Variants in PDS5B observed in about 807,000 individuals in gnomAD.
PDS5B encodes the protein PDS5 cohesin associated factor B, also known as sister chromatid cohesion protein PDS5 homolog B.
PDS5B carries 51 observed loss-of-function variants against 184.1 expected under a neutral mutation model. That is an observed-to-expected ratio of 0.28 (90% CI 0.22 to 0.35). PDS5B has a LOEUF of 0.35. Among genes scored for constraint, PDS5B ranks in the 10% least tolerant of loss-of-function variants. The probability of loss-of-function intolerance (pLI) is 1.00; values close to 1 mark genes in which losing one functional copy is unlikely to be tolerated. For missense variants in PDS5B, 1,180 were observed against 1,723.3 expected, an observed-to-expected ratio of 0.68 and a Z score of 5.58; for synonymous variants, 566 against 569.2, an observed-to-expected ratio of 0.99 and a Z score of 0.08.
At chr13:32,693,706 A>T (rs7981925) in intron 13 of PDS5B, among the ~76,000 whole-genome samples, 1 of 149,688 alleles carries the variant, frequency 6.7e-6, no homozygotes, top group Non-Finnish European at 1.5e-5. Flanking sequence ...TTATAATACA[A>T]TATTGTTGCT....
intron 21 of PDS5B, among the ~76,000 whole-genome samples, chr13:32,739,132 A>G (rs1209781409): frequency 6.6e-6 from 1 of 151,792 alleles, no homozygotes; most frequent in African/African-American, 2.4e-5. Context: ...CTTTTTTTAC[A>G]CACACAAAAA....
intron 23 of PDS5B, among the ~76,000 whole-genome samples, chr13:32,744,379 A>G (rs1168114212): frequency 6.6e-6 from 1 of 152,190 alleles, no homozygotes; most frequent in Non-Finnish European, 1.5e-5. Context: ...TGGTAGAGAC[A>G]TAACAGGTGG....
intron 7 of PDS5B, among the ~76,000 whole-genome samples, chr13:32,669,648 A>T (rs188190477): frequency 6.6e-6 from 1 of 152,174 alleles, no homozygotes; most frequent in Non-Finnish European, 1.5e-5. Context: ...TGCTTGCAGA[A>T]ATAGAATCCT....
chr13:32,740,079 C>T (rs947691270), intron 21 of PDS5B, among the ~76,000 whole-genome samples: 11 of 152,066 alleles, frequency 7.2e-5, no homozygotes, highest in African/African-American at 2.4e-4. Flanking sequence ...ATTCTTTCAA[C>T]ATGGATTGTA....
chr13:32,633,428 C>T (rs2058489349), intron 1 of PDS5B, among the ~76,000 whole-genome samples: 1 of 152,058 alleles, frequency 6.6e-6, no homozygotes, highest in South Asian at 2.1e-4. Context: ...AAAACAAAAA[C>T]AAAACCAGCT....
intron 34 of PDS5B, among the ~76,000 whole-genome samples, chr13:32,774,746 G>A (rs962508863): frequency 6.6e-6 from 1 of 152,104 alleles, no homozygotes; most frequent in African/African-American, 2.4e-5. Flanking sequence ...ATTGACTTCT[G>A]TTCATTTCTC....
intron 1 of PDS5B, among the ~76,000 whole-genome samples, chr13:32,611,250 T>C (rs2058137128): frequency 6.6e-6 from 1 of 152,152 alleles, no homozygotes; most frequent in African/African-American, 2.4e-5. Context: ...TCATTTTCAT[T>C]CACTGATTTG....
intron 27 of PDS5B, 89 bp downstream of exon 27, chr13:32,758,308 G>T: frequency 1.8e-6 from 2 of 1,122,250 alleles, no homozygotes; most frequent in Non-Finnish European, 2.5e-6. Context: ...TTTATAGATA[G>T]CATCAAATAA....
chr13:32,587,709 C>T (rs751588608), intron 1 of PDS5B, among the ~76,000 whole-genome samples: 63 of 152,210 alleles, frequency 4.1e-4, no homozygotes, highest in Non-Finnish European at 1.5e-4. Flanking sequence ...TCTTCAACAG[C>T]CTCTCTCCCC....
Position 32,760,712 on chromosome 13 carries a change from A to G in PDS5B, c.3510A>G (p.Ile1170Met). The change falls in exon 30 of 35, where the codon ATA becomes ATG. Residue 1170 changes from isoleucine to methionine, a missense_variant. Physicochemically the swap from Ile to Met is conservative, Grantham distance 10. Coordinates refer to ENST00000315596, the MANE Select transcript of PDS5B (RefSeq NM_015032.4). ...SSSNPSSPGR[I>M]KGRLDSSEMD... Reference sequence around the variant, plus strand: ...CAAATCCAAGCTCTCCTGGAAGAATAAAGGGGAGGTAAGTGCAAAAGAAAT... The same window carrying G: ...CAAATCCAAGCTCTCCTGGAAGAATGAAGGGGAGGTAAGTGCAAAAGAAAT... 1 of 1,613,388 alleles carries G rather than the reference A, an allele frequency of 6.2e-7. No individual in the cohort carries two copies. The highest frequency in any genetic ancestry group is 2.2e-5 in the East Asian group (1 of 44,826).
At position 32,721,870 on chromosome 13, in the gene PDS5B, A is replaced by G. The variant is rs1396942810; in HGVS notation, c.2124-10231A>G. Among the ~76,000 whole-genome samples, 18 of 148,288 alleles carry G rather than the reference A, an allele frequency of 1.2e-4. No individual in the cohort carries two copies. In the South Asian group the frequency reaches 1.7e-3, roughly 14 times the overall value. ...TGGGAAGAGGCGCTCCTCACTTCCC[A>G]GACTGGGTGGCCGGGCAGAGGGGCT... On this transcript the variant is annotated intron_variant, in intron 19 of 34. Transcript: ENST00000315596.
In PDS5B at chr13:32,635,893, C is replaced by T. The variant is rs190943767; in HGVS notation, c.-19-12861C>T. 3.4e-3 allele frequency among the ~76,000 whole-genome samples: 514 copies of T among 151,514 alleles called. 5 individuals are homozygous for T. Among genetic ancestry groups the T allele is most frequent in the African/African-American group, 0.012 (496 of 41,234 alleles). On this transcript the variant is annotated intron_variant, in intron 1 of 34. Transcript: ENST00000315596. The stretch of plus-strand genomic sequence containing the variant: ...ACGCCATTCTCCTGCCTCAGCCTCC[C>T]GAGTAGCTGGGACTACAAGTGCCCG...
intron 1 of PDS5B, among the ~76,000 whole-genome samples, chr13:32,643,574 A>G (rs1950151551): frequency 6.6e-6 from 1 of 152,056 alleles, no homozygotes; most frequent in East Asian, 1.9e-4. Flanking sequence ...TGCATATATG[A>G]TGGTGGTTCC....
At chr13:32,713,943 C>T (rs540942565) in intron 19 of PDS5B, among the ~76,000 whole-genome samples, 47 of 152,184 alleles carry the variant, frequency 3.1e-4, no homozygotes, top group Admixed American at 1.8e-3. Context: ...TTTTCCTAAG[C>T]GGCGGCCGGC....
Position 32,775,911 on chromosome 13 carries a change from T to G in PDS5B, c.*859T>G, listed in dbSNP as rs1954943603. ...AAAATTCTGTAATTTGAATGAGTTT[T>G]TAATAGTCTAGAATGTTATTGTGTA... On this transcript the variant is annotated 3_prime_UTR_variant, in exon 35 of 35. Transcript: ENST00000315596. 1.4e-5 allele frequency: 4 copies of G among 283,574 alleles called. No homozygotes were observed. The highest frequency in any genetic ancestry group is 1.0e-4 in the South Asian group (3 of 30,018). 17.6% of individuals were successfully genotyped at this position (283,574 alleles called of 1,614,324 possible). A position where few individuals can be genotyped will look rare whatever the true frequency, so the allele number is the denominator to read the frequency against.
intron 23 of PDS5B, among the ~76,000 whole-genome samples, chr13:32,744,082 A>G (rs1953661323): frequency 6.6e-6 from 1 of 152,172 alleles, no homozygotes. Context: ...ATTCAGGCAG[A>G]TTGAAGACAC....
At chr13:32,608,464 A>G (rs1243112873) in intron 1 of PDS5B, among the ~76,000 whole-genome samples, 4 of 152,130 alleles carry the variant, frequency 2.6e-5, no homozygotes, top group Non-Finnish European at 4.4e-5. Context: ...GATTTATTAC[A>G]GTGATTGATA....
intron 1 of PDS5B, among the ~76,000 whole-genome samples, chr13:32,641,411 T>G (rs1566274714): frequency 6.6e-6 from 1 of 152,178 alleles, no homozygotes; most frequent in East Asian, 1.9e-4. Flanking sequence ...TCTGGACACT[T>G]TTTTCTCAAA....
At chr13:32,606,527 A>C (rs926012741) in intron 1 of PDS5B, among the ~76,000 whole-genome samples, 3 of 152,120 alleles carry the variant, frequency 2.0e-5, no homozygotes, top group African/African-American at 7.2e-5. Flanking sequence ...ACTTTGGTGA[A>C]TCTGACAATT....
Sources: gnomAD v4.1 joint callset for allele counts (sites outside exome capture counted in the v4.1 genomes callset) on GRCh38, gnomAD v4.1.1 for gene constraint, MANE v1.5 for transcripts, NCBI Gene and HGNC (gene_info 2026-07-23, HGNC 2026-07-21) for gene names.